Variants in ANK2 observed in about 807,000 individuals in gnomAD.
The protein encoded by ANK2 is ankyrin 2.
A neutral mutation model predicts 360.5 loss-of-function variants in ANK2; 83 were observed. That is an observed-to-expected ratio of 0.23 (90% CI 0.19 to 0.28). The LOEUF (loss-of-function observed/expected upper bound fraction) is 0.28, where lower values mean the gene tolerates loss of function less well. Among genes scored for constraint, ANK2 ranks in the 10% least tolerant of loss-of-function variants. The pLI is 1.00. For missense variants in ANK2, 4,201 were observed against 4,795.7 expected (o/e 0.88, Z 3.66); for synonymous variants, 1,740 against 1,759.5 (o/e 0.99, Z 0.28).
intron 26 of ANK2, among the ~76,000 whole-genome samples, chr4:113,320,361 A>G (rs2085396407): frequency 6.6e-6 from 1 of 152,218 alleles, no homozygotes; most frequent in South Asian, 2.1e-4. Context: ...GCTTTAAAAA[A>G]TACTAGTGCT....
intron 35 of ANK2, among the ~76,000 whole-genome samples, chr4:113,346,846 C>A (rs1248336493): frequency 6.6e-6 from 1 of 152,146 alleles, no homozygotes; most frequent in East Asian, 1.9e-4. Context: ...TCACGTAATT[C>A]CTCGAATACT....
At position 113,277,040 on chromosome 4, in the gene ANK2, G is replaced by A. The variant is rs186032211; in HGVS notation, c.1684-797G>A. On this transcript the variant is annotated intron_variant, in intron 15 of 45. Coordinates refer to ENST00000357077, the MANE Select transcript of ANK2 (RefSeq NM_001148.6). ...GAGATCTTAGTCCAGAGACTTATCT[G>A]TATTTATAACACACTGCTAATTACA... Among the ~76,000 whole-genome samples the A allele has an allele frequency of 1.2e-3, 190 of 152,280 alleles. 7 individuals are homozygous for A. The highest frequency in any genetic ancestry group is 0.011 in the South Asian group (53 of 4,830).
chr4:112,784,337 A>G, the ANK2 span, among the ~76,000 whole-genome samples: 6 of 133,176 alleles, frequency 4.5e-5, no homozygotes, highest in African/African-American at 1.4e-4. Context: ...GGCACGTGCC[A>G]CCACCCTGAC....
At chr4:113,217,550 C>A (rs1317401297) in intron 4 of ANK2, among the ~76,000 whole-genome samples, 1 of 152,152 alleles carries the variant, frequency 6.6e-6, no homozygotes, top group Non-Finnish European at 1.5e-5. Context: ...AGGATGAAGC[C>A]GTTCTGCCTC....
At chr4:112,740,622 T>C in the ANK2 span, among the ~76,000 whole-genome samples, 1 of 151,820 alleles carries the variant, frequency 6.6e-6, no homozygotes, top group Non-Finnish European at 1.5e-5. Context: ...GAGAATTGCT[T>C]GAACCCAGGA....
In ANK2 at chr4:113,282,886, T is replaced by C. The variant is rs2062926777; in HGVS notation, c.2079+14T>C. 6.2e-7 allele frequency: 1 copy of C among 1,613,492 alleles called. No individual in the cohort carries two copies. Among genetic ancestry groups the C allele is most frequent in the African/African-American group, 1.3e-5 (1 of 74,922 alleles). ...ATGTCAACTAAGGTATTCTGTCCTTTCTTGCATCAATCAAGAGTGTTTTGG... is the reference window on the plus strand; with the variant it reads ...ATGTCAACTAAGGTATTCTGTCCTTCCTTGCATCAATCAAGAGTGTTTTGG... On this transcript the variant is annotated intron_variant, in intron 18 of 45. Transcript: ENST00000357077.
intron 2 of ANK2, among the ~76,000 whole-genome samples, chr4:112,921,682 T>C (rs2151183406): frequency 6.8e-6 from 1 of 147,812 alleles, no homozygotes; most frequent in Admixed American, 6.7e-5. Flanking sequence ...AAAATACCAT[T>C]CTATTTTTTT....
intron 1 of ANK2, among the ~76,000 whole-genome samples, chr4:113,152,066 A>AC (rs1491375589): frequency 1.0e-4 from 5 of 50,174 alleles, no homozygotes; most frequent in African/African-American, 4.9e-4. Context: ...TCTCTGTCTC[A>AC]AAAAAAAAAA....
At chr4:113,181,527 T>C (rs768432758) in intron 2 of ANK2, among the ~76,000 whole-genome samples, 2 of 152,172 alleles carry the variant, frequency 1.3e-5, no homozygotes, top group African/African-American at 4.8e-5. Context: ...ACAAAAACTC[T>C]GCTCTCATAA....
At chr4:112,966,944 G>A (rs138870689) in intron 2 of ANK2, among the ~76,000 whole-genome samples, 4 of 152,112 alleles carry the variant, frequency 2.6e-5, no homozygotes, top group South Asian at 2.1e-4. Flanking sequence ...GAGGGCCTTG[G>A]GGGGAGCATG....
intron 1 of ANK2, among the ~76,000 whole-genome samples, chr4:113,146,488 G>A (rs576673501): frequency 3.3e-5 from 5 of 152,232 alleles, no homozygotes; most frequent in Admixed American, 3.3e-4. Context: ...ACTAACTTCA[G>A]TGAAGAGGTC....
intron 1 of ANK2, among the ~76,000 whole-genome samples, chr4:112,893,976 A>G (rs1463773018): frequency 1.3e-5 from 2 of 152,190 alleles, no homozygotes; most frequent in Non-Finnish European, 2.9e-5. Flanking sequence ...CAGCCTGGGC[A>G]ACGGAGCAAC....
chr4:113,117,007 CTGAGTGTGGGTGCACACCTA>C (rs1306315201), intron 1 of ANK2: 1 of 262,894 alleles, frequency 3.8e-6, no homozygotes, highest in Non-Finnish European at 7.6e-6. Context: ...GGGACCATTT[CTGAGTGTGGGTGCACACCTA>C]TGCCTGTGTG....
intron 2 of ANK2, among the ~76,000 whole-genome samples, chr4:112,908,414 T>TG (rs1480854948): frequency 6.6e-6 from 1 of 152,148 alleles, no homozygotes; most frequent in Non-Finnish European, 1.5e-5. Flanking sequence ...AATGGGCTGG[T>TG]GAAGTCAGAC....
intron 9 of ANK2, among the ~76,000 whole-genome samples, chr4:113,249,364 A>C: frequency 6.6e-6 from 1 of 152,242 alleles, no homozygotes; most frequent in East Asian, 1.9e-4. Context: ...AAGACAGTAT[A>C]ACCTAATATA....
In ANK2 at chr4:113,343,043, T is replaced by G; in HGVS notation, c.4149T>G (p.Val1383=). 1 of 1,614,008 alleles carries G rather than the reference T, an allele frequency of 6.2e-7. No individual in the cohort carries two copies. Among genetic ancestry groups the G allele is most frequent in the African/African-American group, 1.3e-5 (1 of 75,042 alleles). The stretch of plus-strand genomic sequence containing the variant: ...TGTTAGAAGGAAAACCCATCTACGT[T>G]GATTGTTTCGGCAACTTGGTACCAT... The part of the protein sequence containing the change: ...VEVLEGKPIY[V]DCFGNLVPLT... The change falls in exon 34 of 46, where the codon GTT becomes GTG. Residue 1383 remains valine (V), a synonymous_variant. Coordinates refer to ENST00000357077, the MANE Select transcript of ANK2 (RefSeq NM_001148.6).
the ANK2 span, among the ~76,000 whole-genome samples, chr4:112,712,039 T>TAC: frequency 0.018 from 2,615 of 147,812 alleles, 70 homozygotes; most frequent in East Asian, 0.1. Context: ...GTTACATACA[T>TAC]ACACACACAC....
At chr4:113,168,628 A>G (rs2097840225) in intron 1 of ANK2, among the ~76,000 whole-genome samples, 2 of 152,222 alleles carry the variant, frequency 1.3e-5, no homozygotes, top group African/African-American at 4.8e-5. Flanking sequence ...GTAGCAGCTG[A>G]ATAGAAATTG....
chr4:113,317,882 C>A, intron 25 of ANK2, 73 bp downstream of exon 25: 1 of 1,294,580 alleles, frequency 7.7e-7, no homozygotes, highest in Non-Finnish European at 1.1e-6. Flanking sequence ...TAGAAATGTC[C>A]TGAGAAAGTT....
Sources: allele counts gnomAD v4.1 joint callset (sites outside exome capture counted in the v4.1 genomes callset), GRCh38; gene constraint gnomAD v4.1.1; transcripts MANE v1.5; gene names NCBI Gene and HGNC (gene_info 2026-07-23, HGNC 2026-07-21).